SNX29: variants seen among roughly 807,000 people sequenced by gnomAD.
The protein encoded by SNX29 is sorting nexin-29.
A neutral mutation model predicts 102.1 loss-of-function variants in SNX29; 78 were observed. The ratio of observed to expected loss-of-function variants is 0.76; its 90% confidence interval spans 0.64 to 0.92. The LOEUF is 0.92. SNX29 is among the 40% of genes least tolerant of loss of function. The pLI, the probability that SNX29 is intolerant of heterozygous loss-of-function variation, is 0.00. For synonymous variants in SNX29, 580 were observed against 414.5 expected, an observed-to-expected ratio of 1.40 and a Z score of -4.85; for missense variants, 1,280 against 1,061.7, an observed-to-expected ratio of 1.21 and a Z score of -2.86.
At chr16:12,056,762 A>G (rs777822289) in intron 8 of SNX29, among the ~76,000 whole-genome samples, 12 of 152,128 alleles carry the variant, frequency 7.9e-5, no homozygotes, top group Non-Finnish European at 1.6e-4. Context: ...TTTTCTTTAC[A>G]AGGGATAGTA....
intron 15 of SNX29, among the ~76,000 whole-genome samples, chr16:12,300,376 G>C (rs1238863465): frequency 6.6e-6 from 1 of 152,074 alleles, no homozygotes; most frequent in African/African-American, 2.4e-5. Context: ...CGCTCTGATA[G>C]CATCGATCAT....
Position 11,999,321 on chromosome 16 carries a change from A to C in SNX29, c.32A>C (p.Gln11Pro). MSGSQNNDKRQFLLERLLDAV... is the reference protein window; with the variant it reads MSGSQNNDKRPFLLERLLDAV... Reference sequence around the variant, plus strand: ...GGATCACAGAACAATGACAAAAGACAATTTCTGCTGGAGCGACTGCTGGAT... The same window carrying C: ...GGATCACAGAACAATGACAAAAGACCATTTCTGCTGGAGCGACTGCTGGAT... The change falls in exon 2 of 21, where the codon CAA (glutamine) becomes CCA (proline). Residue 11 changes from glutamine (Q) to proline (P), a missense_variant. Transcript: ENST00000566228. The C allele has an allele frequency of 6.2e-7, 1 of 1,614,136 alleles. No homozygotes were observed. Among genetic ancestry groups the C allele is most frequent in the Non-Finnish European group, 8.5e-7 (1 of 1,179,986 alleles).
chr16:12,503,297 A>G (rs573415486), intron 19 of SNX29, among the ~76,000 whole-genome samples: 1 of 152,298 alleles, frequency 6.6e-6, no homozygotes, highest in Non-Finnish European at 1.5e-5. Context: ...ATGTGGAGAG[A>G]ATAACATAGC....
intron 3 of SNX29, among the ~76,000 whole-genome samples, chr16:12,008,051 C>G (rs569607486): frequency 6.6e-6 from 1 of 152,132 alleles, no homozygotes; most frequent in South Asian, 2.1e-4. Context: ...TCACGCTGTT[C>G]TCCTGCCTCA....
At chr16:12,019,542 T>C (rs948442804) in intron 3 of SNX29, among the ~76,000 whole-genome samples, 1 of 151,772 alleles carries the variant, frequency 6.6e-6, no homozygotes, top group African/African-American at 2.4e-5. Context: ...TGGCTCTTAA[T>C]TTTTTTACAT....
intron 3 of SNX29, among the ~76,000 whole-genome samples, chr16:12,013,500 A>AAAAAAATATATAT: frequency 8.5e-4 from 27 of 31,614 alleles, no homozygotes; most frequent in Non-Finnish European, 1.2e-3. Context: ...AAAAAAAAAA[A>AAAAAAATATATAT]ATATATATAT....
At chr16:12,310,587 A>C (rs2080505995) in intron 15 of SNX29, among the ~76,000 whole-genome samples, 1 of 152,142 alleles carries the variant, frequency 6.6e-6, no homozygotes, top group African/African-American at 2.4e-5. Flanking sequence ...GAAAATGCAA[A>C]CTAATCTATA....
rs1276488003 is a variant in SNX29, at chr16:12,571,103, T to G, written c.*2474T>G. The G allele has an allele frequency of 2.2e-5, 5 of 232,514 alleles. No individual in the cohort carries two copies. Among genetic ancestry groups the G allele is most frequent in the African/African-American group, 8.8e-5 (4 of 45,316 alleles). 14.4% of individuals were successfully genotyped at this position (232,514 alleles called of 1,614,324 possible). The stretch of plus-strand genomic sequence containing the variant: ...CAGCAACTCCCCGAAGCCTTCCCTT[T>G]GGAATCCCATAGAATGTTCTGCAAT... On this transcript the variant is annotated 3_prime_UTR_variant, in exon 21 of 21. Coordinates refer to ENST00000566228, the MANE Select transcript of SNX29 (RefSeq NM_032167.5).
rs533664303 is a variant in SNX29 at position 12,552,111 on chromosome 16, A to G, written c.2319-16395A>G. ...TGTGCTATCCTCAGTGAGTGTAACC[A>G]TGGCTGATACGGAAATGCCTGAGAG... On this transcript the variant is annotated intron_variant, in intron 20 of 20. Coordinates refer to ENST00000566228, the MANE Select transcript of SNX29 (RefSeq NM_032167.5). Among the ~76,000 whole-genome samples the G allele has an allele frequency of 1.4e-4, 21 of 152,312 alleles. 2 individuals are homozygous for G. In the South Asian group the frequency reaches 4.1e-3, roughly 30 times the overall value.
chr16:12,538,499 C>G (rs186354326), intron 20 of SNX29, among the ~76,000 whole-genome samples: 1 of 152,064 alleles, frequency 6.6e-6, no homozygotes, highest in Non-Finnish European at 1.5e-5. Context: ...ATCTATGATA[C>G]TTTGTTGGTA....
chr16:12,524,334 G>A (rs2090213765), intron 19 of SNX29, among the ~76,000 whole-genome samples: 1 of 151,826 alleles, frequency 6.6e-6, no homozygotes, highest in South Asian at 2.1e-4. Context: ...GGATTGATTT[G>A]TGTCTCCCTC....
chr16:12,279,819 A>T, intron 15 of SNX29, among the ~76,000 whole-genome samples: 1 of 152,242 alleles, frequency 6.6e-6, no homozygotes, highest in Admixed American at 6.5e-5. Context: ...TGAAGGCCTG[A>T]TGAGCTAGAG....
chr16:12,053,739 G>C (rs896866895), intron 8 of SNX29, among the ~76,000 whole-genome samples: 1 of 150,566 alleles, frequency 6.6e-6, no homozygotes, highest in Non-Finnish European at 1.5e-5. Context: ...CTGCATGGAT[G>C]CTTGTACTAG....
At chr16:12,476,847 C>T (rs142777057) in intron 18 of SNX29, among the ~76,000 whole-genome samples, 16 of 152,230 alleles carry the variant, frequency 1.1e-4, no homozygotes, top group African/African-American at 3.4e-4. Context: ...ATTTATCACT[C>T]ACATTAGAGA....
At chr16:12,427,623 C>T (rs559073644) in intron 18 of SNX29, among the ~76,000 whole-genome samples, 4 of 152,300 alleles carry the variant, frequency 2.6e-5, no homozygotes, top group African/African-American at 7.2e-5. Context: ...CCCAAAGCAT[C>T]GGCCATGCTT....
chr16:12,139,867 G>T (rs2141491021), intron 13 of SNX29, among the ~76,000 whole-genome samples: 1 of 149,952 alleles, frequency 6.7e-6, no homozygotes, highest in South Asian at 2.1e-4. Context: ...TGTGGTCCCA[G>T]CTACTCAGGA....
rs372086479 is a variant in SNX29, at chr16:12,540,693, A to G, written c.2318+15852A>G. Reference sequence around the variant, plus strand: ...AGCTGCTGGTCCCTCTTGTTGTAGAAGCTCACATATGAAGACGCTCCAGGG... The same window carrying G: ...AGCTGCTGGTCCCTCTTGTTGTAGAGGCTCACATATGAAGACGCTCCAGGG... On this transcript the variant is annotated intron_variant, in intron 20 of 20. Coordinates refer to ENST00000566228, the MANE Select transcript of SNX29 (RefSeq NM_032167.5). Among the ~76,000 whole-genome samples, 26 of 152,300 alleles carry G rather than the reference A, an allele frequency of 1.7e-4. No homozygotes were observed. The East Asian group carries it at 2.9e-3, about 17-fold the overall frequency.
chr16:12,235,101 T>C (rs764300627), intron 14 of SNX29, among the ~76,000 whole-genome samples: 2 of 152,214 alleles, frequency 1.3e-5, no homozygotes, highest in African/African-American at 2.4e-5. Flanking sequence ...TGTGTCTTTT[T>C]TTTCATTTTT....
chr16:12,541,328 G>C (rs1225622061), intron 20 of SNX29, among the ~76,000 whole-genome samples: 3 of 152,186 alleles, frequency 2.0e-5, no homozygotes, highest in East Asian at 1.9e-4. Flanking sequence ...GGACTTCTGA[G>C]TGCCAGAATT....
Sources: allele counts gnomAD v4.1 joint callset (sites outside exome capture counted in the v4.1 genomes callset), GRCh38; gene constraint gnomAD v4.1.1; transcripts MANE v1.5; gene names NCBI Gene and HGNC (gene_info 2026-07-23, HGNC 2026-07-21).